Variants in NUDT3 observed in about 807,000 individuals in gnomAD.
NUDT3 encodes diphosphoinositol polyphosphate phosphohydrolase 1.
NUDT3 carries 9 observed loss-of-function variants against 23.6 expected under a neutral mutation model. The observed-to-expected ratio is 0.38, with a 90% CI of 0.23 to 0.66. The LOEUF (loss-of-function observed/expected upper bound fraction) is 0.66, where lower values mean the gene tolerates loss of function less well. NUDT3 is among the 30% of genes least tolerant of loss of function. NUDT3 has a pLI of 0.52. For missense variants in NUDT3, 172 were observed against 218.5 expected, an observed-to-expected ratio of 0.79 and a Z score of 1.34; for synonymous variants, 86 against 82.6, an observed-to-expected ratio of 1.04 and a Z score of -0.22.
chr6:34,335,534 T>C (rs1443367530), intron 2 of NUDT3, among the ~76,000 whole-genome samples: 2 of 152,040 alleles, frequency 1.3e-5, no homozygotes, highest in African/African-American at 2.4e-5. Flanking sequence ...CTTACAAGAA[T>C]GTTACTTATT....
chr6:34,361,604 C>T (rs192010260), intron 1 of NUDT3, among the ~76,000 whole-genome samples: 2 of 152,206 alleles, frequency 1.3e-5, no homozygotes, highest in Admixed American at 6.5e-5. Flanking sequence ...TTCATAATTG[C>T]CAAAATCTTG....
intron 2 of NUDT3, among the ~76,000 whole-genome samples, chr6:34,305,120 C>T (rs973217778): frequency 1.3e-5 from 2 of 150,268 alleles, no homozygotes; most frequent in East Asian, 3.9e-4. Context: ...GTAGCTGGGA[C>T]TACAGGCACG....
Position 34,290,401 on chromosome 6 carries a change from CTTTTTT to C in NUDT3, c.341-1476_341-1471del, listed in dbSNP as rs952499361. Among the ~76,000 whole-genome samples the C allele has an allele frequency of 1.3e-4, 14 of 107,320 alleles. No individual in the cohort carries two copies. The East Asian group carries it at 2.7e-3, about 20-fold the overall frequency. 70.4% of individuals were successfully genotyped at this position (107,320 alleles called of 152,430 possible). A position where few individuals can be genotyped will look rare whatever the true frequency, so the allele number is the denominator to read the frequency against. On this transcript the variant is annotated intron_variant, in intron 4 of 4. Transcript: ENST00000607016. ...GCACGTGCCACACCTGCTGCTGCTT[CTTTTTT>C]TTTTTTTTTTTTTTTTGGTATAAAT...
rs146374542 is a variant in NUDT3 at position 34,331,269 on chromosome 6, A to G, written c.210+10593T>C. 7.5e-3 allele frequency among the ~76,000 whole-genome samples: 1,125 copies of G among 150,392 alleles called. 12 individuals carry two copies. Among genetic ancestry groups the G allele is most frequent in the Middle Eastern group, 0.024 (7 of 288 alleles). On this transcript the variant is annotated intron_variant, in intron 2 of 4. Coordinates refer to ENST00000607016, the MANE Select transcript of NUDT3 (RefSeq NM_006703.4). ...AACCTCAATTATTCTACATTAAGGT[A>G]TTTAGACTTTCAAACTTTCTTTTTT...
chr6:34,309,613 A>G (rs1350715225), intron 2 of NUDT3, among the ~76,000 whole-genome samples: 1 of 152,082 alleles, frequency 6.6e-6, no homozygotes, highest in Non-Finnish European at 1.5e-5. Flanking sequence ...AAAGGTCAGT[A>G]AAATTAAAAA....
intron 2 of NUDT3, among the ~76,000 whole-genome samples, chr6:34,313,783 A>T (rs1316073978): frequency 6.6e-6 from 1 of 151,954 alleles, no homozygotes; most frequent in African/African-American, 2.4e-5. Context: ...TAACACAGTG[A>T]AACCCTATCT....
intron 2 of NUDT3, among the ~76,000 whole-genome samples, chr6:34,320,127 A>T (rs1421849329): frequency 6.6e-6 from 1 of 151,758 alleles, no homozygotes; most frequent in East Asian, 1.9e-4. Flanking sequence ...ACAGTCAAGA[A>T]GGAGGGCTGT....
chr6:34,295,274 G>C (rs921025735), intron 3 of NUDT3, among the ~76,000 whole-genome samples: 2 of 151,932 alleles, frequency 1.3e-5, no homozygotes, highest in African/African-American at 4.8e-5. Context: ...TGTAATCCTG[G>C]CATTTTGGGA....
intron 2 of NUDT3, among the ~76,000 whole-genome samples, chr6:34,297,718 TAAAAAAAAAA>T (rs200099331): frequency 1.3e-5 from 1 of 78,796 alleles, no homozygotes; most frequent in African/African-American, 4.8e-5. Flanking sequence ...CCGGCTAATG[TAAAAAAAAAA>T]AAATATATAT....
chr6:34,328,256 AC>A, intron 2 of NUDT3, among the ~76,000 whole-genome samples: 1 of 152,110 alleles, frequency 6.6e-6, no homozygotes. Context: ...TCTTCCCCTT[AC>A]CCCCATCTTT....
chr6:34,392,011 A>G (rs1236888812), intron 1 of NUDT3, among the ~76,000 whole-genome samples: 2 of 152,042 alleles, frequency 1.3e-5, no homozygotes, highest in African/African-American at 4.8e-5. Flanking sequence ...GCGGAACCGA[A>G]GCGCTCCGGC....
chr6:34,356,604 G>A (rs1764564745), intron 1 of NUDT3, among the ~76,000 whole-genome samples: 1 of 151,966 alleles, frequency 6.6e-6, no homozygotes, highest in Non-Finnish European at 1.5e-5. Context: ...AAATCCATGA[G>A]TTTATACTAA....
At chr6:34,329,560 C>T (rs890838913) in intron 2 of NUDT3, among the ~76,000 whole-genome samples, 11 of 152,090 alleles carry the variant, frequency 7.2e-5, no homozygotes, top group Admixed American at 5.9e-4. Context: ...AGATTACAGG[C>T]GTGAACCACC....
intron 2 of NUDT3, among the ~76,000 whole-genome samples, chr6:34,337,231 T>TTC (rs1472303562): frequency 6.6e-6 from 1 of 152,214 alleles, no homozygotes; most frequent in African/African-American, 2.4e-5. Context: ...GATGATATGA[T>TTC]TCTCCTCTGA....
intron 2 of NUDT3, among the ~76,000 whole-genome samples, chr6:34,296,616 G>T (rs1401089027): frequency 6.6e-6 from 1 of 152,104 alleles, no homozygotes. Flanking sequence ...TACATACATA[G>T]ATTACTTCAT....
At chr6:34,358,799 CG>C (rs1377542467) in intron 1 of NUDT3, among the ~76,000 whole-genome samples, 2 of 151,862 alleles carry the variant, frequency 1.3e-5, no homozygotes, top group African/African-American at 4.8e-5. Context: ...TCAAGTTTAT[CG>C]TTCTTACAAA....
At position 34,328,530 on chromosome 6, in the gene NUDT3, C is replaced by G. The variant is rs190523002; in HGVS notation, c.210+13332G>C. ...ATCCTAATTCAAGCATCTGTGTATA[C>G]TTTTTTTGTTGTTAACAAGGTCTTG... is the stretch of plus-strand genomic sequence containing the variant. On this transcript the variant is annotated intron_variant, in intron 2 of 4. Coordinates refer to ENST00000607016, the MANE Select transcript of NUDT3 (RefSeq NM_006703.4). Among the ~76,000 whole-genome samples, 128 of 152,188 alleles carry G rather than the reference C, an allele frequency of 8.4e-4. 2 individuals are homozygous for G. Among genetic ancestry groups the G allele is most frequent in the Admixed American group, 3.2e-3 (49 of 15,282 alleles).
At chr6:34,303,016 C>T (rs967776897) in intron 2 of NUDT3, among the ~76,000 whole-genome samples, 26 of 152,080 alleles carry the variant, frequency 1.7e-4, no homozygotes, top group African/African-American at 6.3e-4. Context: ...TTAACAAAAA[C>T]TTCTAAGCCA....
At position 34,293,546 on chromosome 6, in the gene NUDT3, A is replaced by G. The variant is rs1763455064; in HGVS notation, c.256-11T>C. ...CTTCCTCTCCTGGTTCTGAAGGGCAAAGAGAGAAGGATAGAGAGAGTTTTT... is the reference window on the plus strand; with the variant it reads ...CTTCCTCTCCTGGTTCTGAAGGGCAGAGAGAGAAGGATAGAGAGAGTTTTT... On this transcript the variant is annotated splice_polypyrimidine_tract_variant and intron_variant, in intron 3 of 4. Coordinates refer to ENST00000607016, the MANE Select transcript of NUDT3 (RefSeq NM_006703.4). 1.9e-6 allele frequency: 3 copies of G among 1,614,168 alleles called. No individual in the cohort carries two copies. Among genetic ancestry groups the G allele is most frequent in the Admixed American group, 3.3e-5 (2 of 60,030 alleles).
Sources: gnomAD v4.1 joint callset for allele counts (sites outside exome capture counted in the v4.1 genomes callset) on GRCh38, gnomAD v4.1.1 for gene constraint, MANE v1.5 for transcripts, NCBI Gene and HGNC (gene_info 2026-07-23, HGNC 2026-07-21) for gene names.